The following FAM83G variants were observed in gnomAD, a reference collection of about 807,000 sequenced individuals.
FAM83G encodes the protein protein FAM83G.
In FAM83G, 38 loss-of-function variants were observed where a neutral mutation model predicts 61.5. The ratio of observed to expected loss-of-function variants is 0.62; its 90% CI spans 0.48 to 0.81. The LOEUF is 0.81. Among genes scored for constraint, FAM83G ranks in the 30% least tolerant of loss-of-function variants. FAM83G has a pLI of 0.00. For missense variants in FAM83G, 989 were observed against 1,133.6 expected, an observed-to-expected ratio of 0.87 and a Z score of 1.83; for synonymous variants, 470 against 476.1, an observed-to-expected ratio of 0.99 and a Z score of 0.17.
Position 18,969,082 on chromosome 17 carries a change from C to T in FAM83G, c.*2277G>A. 1.2e-6 allele frequency: 2 copies of T among 1,614,058 alleles called. No homozygotes were observed. The highest frequency in any genetic ancestry group is 8.5e-7 in the Non-Finnish European group (1 of 1,179,976). ...CCTGTACGCGGGGGCTCTGTTTGTG[C>T]ACATCTGCCTGGGCTGGAACTTCTA... On this transcript the variant is annotated 3_prime_UTR_variant, in exon 6 of 6. Coordinates refer to ENST00000388995, the MANE Select transcript of FAM83G (RefSeq NM_001039999.3).
chr17:18,978,254 C>T lies in FAM83G; in HGVS notation c.1412G>A (p.Arg471His), dbSNP rs538684962. 4.9e-5 allele frequency: 79 copies of T among 1,603,264 alleles called. No individual in the cohort carries two copies. In the Middle Eastern group the frequency reaches 2.0e-3, roughly 41 times the overall value. The change falls in exon 5 of 6, where the codon CGT (arginine) becomes CAT (histidine). Residue 471 changes from arginine to histidine, a missense_variant. By Grantham distance (29) the Arg-to-His change is conservative. Transcript: ENST00000388995. ...CTCTGGGGGAGGGCAAGGCTCTGGA[C>T]GGGGCCTGCTGTCCTGGCTCTGCTT... Reference protein sequence around the residue: ...LWKQSQDSRPRPEPCPPPEPS... With the variant: ...LWKQSQDSRPHPEPCPPPEPS...
chr17:18,986,653 C>T (rs115886671), intron 3 of FAM83G, among the ~76,000 whole-genome samples: 3,925 of 152,340 alleles, frequency 0.026, 171 homozygotes, highest in African/African-American at 0.088. Context: ...TGAGAAGGGG[C>T]CTGGGTGGAA....
At chr17:18,986,958 G>A (rs2043286112) in intron 3 of FAM83G, among the ~76,000 whole-genome samples, 1 of 152,236 alleles carries the variant, frequency 6.6e-6, no homozygotes. Context: ...TGAGGTGGGT[G>A]TGGGGCTTGG....
chr17:18,988,861 ACCT>A (rs1171162242), intron 2 of FAM83G, among the ~76,000 whole-genome samples: 1 of 152,130 alleles, frequency 6.6e-6, no homozygotes, highest in African/African-American at 2.4e-5. Flanking sequence ...ATAGCAGGTG[ACCT>A]CCTGCTGGAC....
intron 2 of FAM83G, among the ~76,000 whole-genome samples, chr17:19,002,781 G>A (rs1292646759): frequency 6.6e-6 from 1 of 152,198 alleles, no homozygotes; most frequent in Non-Finnish European, 1.5e-5. Flanking sequence ...AGCCAAGAAT[G>A]GCCCCCCACA....
chr17:18,978,345 G>A lies in FAM83G; in HGVS notation c.1321C>T (p.Pro441Ser). 6.2e-7 allele frequency: 1 copy of A among 1,602,584 alleles called. No individual in the cohort carries two copies. The highest frequency in any genetic ancestry group is 1.1e-5 in the South Asian group (1 of 89,716). ...IIDPNIWNPQ[P>S]SQMNRIKIRD... ...ATCTTGATGCGGTTCATCTGGCTGG[G>A]CTGGGGGTTCCAGATGTTGGGGTCG... Residue 441 changes from proline to serine, a missense_variant, in exon 5 of 6, where the codon CCC (proline) becomes TCC (serine). Physicochemically the swap from Pro to Ser is moderately conservative, Grantham distance 74. Coordinates refer to ENST00000388995, the MANE Select transcript of FAM83G (RefSeq NM_001039999.3).
intron 3 of FAM83G, among the ~76,000 whole-genome samples, chr17:18,981,329 T>G (rs2043126939): frequency 1.4e-5 from 2 of 146,696 alleles, no homozygotes; most frequent in South Asian, 2.2e-4. Context: ...GGAGGAGGGG[T>G]GGGTGATGGA....
chr17:18,977,575 C>T lies in FAM83G; in HGVS notation c.2082+9G>A. ...TCGTGACCCCTGGTGTGCAGGGACC[C>T]TGACCCACCTGTGCCTCCTTGTCTG... is the stretch of plus-strand genomic sequence containing the variant. On this transcript the variant is annotated intron_variant, in intron 5 of 5. Coordinates refer to ENST00000388995, the MANE Select transcript of FAM83G (RefSeq NM_001039999.3). 6.2e-7 allele frequency: 1 copy of T among 1,605,436 alleles called. No individual in the cohort carries two copies.
intron 2 of FAM83G, among the ~76,000 whole-genome samples, chr17:18,995,317 GA>G (rs1311922635): frequency 1.1e-4 from 16 of 152,140 alleles, no homozygotes; most frequent in African/African-American, 3.4e-4. Flanking sequence ...CGAAATTCAA[GA>G]GGTGAAAATG....
At chr17:18,977,138 CAA>C in intron 5 of FAM83G, 1 of 1,061,704 alleles carries the variant, frequency 9.4e-7, no homozygotes, top group Non-Finnish European at 1.3e-6. Context: ...CTCAGGGCCA[CAA>C]TCAAAGGGAT....
chr17:18,973,380 G>T (rs1048119516), intron 5 of FAM83G, among the ~76,000 whole-genome samples: 1 of 152,244 alleles, frequency 6.6e-6, no homozygotes, highest in Non-Finnish European at 1.5e-5. Context: ...ACACAGGGAG[G>T]TGGAGGAGGA....
intron 2 of FAM83G, among the ~76,000 whole-genome samples, chr17:18,995,007 C>T (rs774615499): frequency 6.6e-6 from 1 of 152,202 alleles, no homozygotes; most frequent in African/African-American, 2.4e-5. Flanking sequence ...AGCATTAAAT[C>T]GTTTCCAAGT....
Position 18,970,838 on chromosome 17 carries a change from A to G in FAM83G, c.*521T>C. On this transcript the variant is annotated 3_prime_UTR_variant, in exon 6 of 6. Transcript: ENST00000388995. ...AAAATAGTCATTCAAATACACCTTA[A>G]AAAAAAAAACAACCCTCTACCCTCA... 1 of 593,050 alleles carries G rather than the reference A, an allele frequency of 1.7e-6. No individual in the cohort carries two copies. Among genetic ancestry groups the G allele is most frequent in the Non-Finnish European group, 2.9e-6 (1 of 343,196 alleles). The allele number at this position is 593,050 out of a possible 1,614,324, so 36.7% of individuals were successfully genotyped here.
In FAM83G at chr17:18,978,650, G is replaced by T. The variant is rs759934737; in HGVS notation, c.1016C>A (p.Thr339Asn). The T allele has an allele frequency of 1.2e-6, 2 of 1,612,932 alleles. No homozygotes were observed. The highest frequency in any genetic ancestry group is 1.7e-6 in the Non-Finnish European group (2 of 1,180,006). Residue 339 changes from threonine to asparagine, a missense_variant, in exon 5 of 6, where the codon ACT becomes AAT. This residue lies in a region of FAM83G where 44 missense variants were observed against 83.9 expected (regional missense o/e 0.52). Coordinates refer to ENST00000388995, the MANE Select transcript of FAM83G (RefSeq NM_001039999.3). Reference protein sequence around the residue: ...PSVVPLVPAGTVAKKLVNPKY... With the variant: ...PSVVPLVPAGNVAKKLVNPKY... ...GGGGTTGACGAGCTTCTTGGCCACA[G>T]TGCCCGCGGGCACCAGGGGGACCAC...
intron 2 of FAM83G, among the ~76,000 whole-genome samples, chr17:19,001,879 G>A (rs1484180270): frequency 6.6e-6 from 1 of 152,200 alleles, no homozygotes; most frequent in African/African-American, 2.4e-5. Context: ...GGGAGGCACA[G>A]AGGAGTGGGA....
At chr17:19,001,558 C>G (rs1411618330) in intron 2 of FAM83G, among the ~76,000 whole-genome samples, 3 of 152,254 alleles carry the variant, frequency 2.0e-5, no homozygotes, top group African/African-American at 7.2e-5. Context: ...CAGCTTCTTC[C>G]TGGCTATGTC....
At position 19,000,790 on chromosome 17, in the gene FAM83G, G is replaced by A. The variant is rs770115148; in HGVS notation, c.522+2730C>T. ...GAAGGGGAGGTGGAAGCATGGGCACGAGAGGTGATTCATGGGGAGAGATAA... is the reference window on the plus strand; with the variant it reads ...GAAGGGGAGGTGGAAGCATGGGCACAAGAGGTGATTCATGGGGAGAGATAA... On this transcript the variant is annotated intron_variant, in intron 2 of 5. Transcript: ENST00000388995. This position sits in a 1 kb window ranked among gnomAD's most constrained non-coding sequence, Gnocchi z 5.2. Among the ~76,000 whole-genome samples, 2 of 152,188 alleles carry A rather than the reference G, an allele frequency of 1.3e-5. No individual in the cohort carries two copies. The highest frequency in any genetic ancestry group is 2.9e-5 in the Non-Finnish European group (2 of 68,024).
Position 18,979,682 on chromosome 17 carries a change from G to T in FAM83G, c.691-9C>A. 6.2e-7 allele frequency: 1 copy of T among 1,612,866 alleles called. No homozygotes were observed. The highest frequency in any genetic ancestry group is 1.3e-5 in the African/African-American group (1 of 75,024). On this transcript the variant is annotated splice_polypyrimidine_tract_variant and intron_variant, in intron 3 of 5. Transcript: ENST00000388995. ...CTCCGCACTCTGAGATTCTGTTTTG[G>T]GAACCAAGAGACAGAATTACACGAC...
At chr17:18,989,730 G>T (rs1267274123) in intron 2 of FAM83G, among the ~76,000 whole-genome samples, 1 of 152,234 alleles carries the variant, frequency 6.6e-6, no homozygotes. Context: ...TTTACAGGGG[G>T]TCTTGTCAGC....
Sources: gnomAD v4.1 joint callset for allele counts (sites outside exome capture counted in the v4.1 genomes callset) on GRCh38, gnomAD v4.1.1 for gene constraint, gnomAD v4.1.1 regional missense constraint, Gnocchi (gnomAD v3.1) non-coding constraint, MANE v1.5 for transcripts, NCBI Gene and HGNC (gene_info 2026-07-23, HGNC 2026-07-21) for gene names.